Variants in PLOD2 observed in about 807,000 individuals in gnomAD.
The protein encoded by PLOD2 is procollagen-lysine,2-oxoglutarate 5-dioxygenase 2.
PLOD2 carries 65 observed loss-of-function variants against 101.0 expected under a neutral mutation model. The ratio of observed to expected loss-of-function variants is 0.64; its 90% CI spans 0.53 to 0.79. The LOEUF (loss-of-function observed/expected upper bound fraction) is 0.79. Among genes scored for constraint, PLOD2 ranks in the 30% least tolerant of loss-of-function variants. The pLI, the probability that PLOD2 is intolerant of heterozygous loss-of-function variation, is 0.00. For synonymous variants in PLOD2, 314 were observed against 302.9 expected, an observed-to-expected ratio of 1.04 and a Z score of -0.38; for missense variants, 909 against 914.6, an observed-to-expected ratio of 0.99 and a Z score of 0.08.
chr3:146,079,889 A>C (rs1936472412), intron 12 of PLOD2, among the ~76,000 whole-genome samples: 1 of 152,016 alleles, frequency 6.6e-6, no homozygotes, highest in Non-Finnish European at 1.5e-5. Context: ...TAAATATTTT[A>C]TAGAAAAAGG....
chr3:146,129,513 C>T lies in PLOD2; in HGVS notation c.110-5284G>A, dbSNP rs747659227. On this transcript the variant is annotated intron_variant, in intron 1 of 19. Coordinates refer to ENST00000282903, the MANE Select transcript of PLOD2 (RefSeq NM_182943.3). ...GACTTGGTCAGTTACTTAAACTCTG[C>T]GTCTCAACTGTAATATGTCTGTAAT... Among the ~76,000 whole-genome samples the T allele has an allele frequency of 5.3e-5, 8 of 152,216 alleles. No homozygotes were observed. The South Asian group carries it at 1.0e-3, about 20-fold the overall frequency.
At chr3:146,100,170 C>T (rs370320350) in intron 7 of PLOD2, among the ~76,000 whole-genome samples, 19 of 152,224 alleles carry the variant, frequency 1.2e-4, no homozygotes, top group African/African-American at 4.6e-4. Flanking sequence ...TGTGAGCCAC[C>T]ATGCCCAGCC....
intron 13 of PLOD2, among the ~76,000 whole-genome samples, chr3:146,078,450 C>T (rs1576574611): frequency 6.6e-6 from 1 of 151,812 alleles, no homozygotes; most frequent in Non-Finnish European, 1.5e-5. Flanking sequence ...ATAAAATAGC[C>T]CCATCATTTC....
At position 146,069,561 on chromosome 3, in the gene PLOD2, T is replaced by G. The variant is rs1378393959; in HGVS notation, c.*1156A>C. ...TTTACATTAAAAACAGTAGCTACAA[T>G]AAGGATATTTCAACCTTACTTAGAG... On this transcript the variant is annotated 3_prime_UTR_variant, in exon 20 of 20. Transcript: ENST00000282903. 2 of 152,180 alleles carry G rather than the reference T, an allele frequency of 1.3e-5. No homozygotes were observed. Among genetic ancestry groups the G allele is most frequent in the East Asian group, 3.9e-4 (2 of 5,160 alleles). 9.4% of individuals were successfully genotyped at this position (152,180 alleles called of 1,614,324 possible).
intron 1 of PLOD2, among the ~76,000 whole-genome samples, chr3:146,125,437 A>AT (rs566689943): frequency 1.3e-5 from 2 of 152,110 alleles, no homozygotes; most frequent in Non-Finnish European, 1.5e-5. Context: ...ACATTCTTAG[A>AT]TTTTTTTCTA....
At chr3:146,152,556 T>G (rs2032110449) in intron 1 of PLOD2, among the ~76,000 whole-genome samples, 1 of 152,174 alleles carries the variant, frequency 6.6e-6, no homozygotes, top group Admixed American at 6.5e-5. Context: ...CCCATGGATC[T>G]CATGGACTCC....
chr3:146,159,240 G>A (rs1329036693), intron 1 of PLOD2, among the ~76,000 whole-genome samples: 8 of 152,162 alleles, frequency 5.3e-5, no homozygotes, highest in African/African-American at 1.4e-4. Context: ...TCATGTGGTC[G>A]TTTCCTGAGG....
chr3:146,079,727 T>C (rs997059433), intron 12 of PLOD2, among the ~76,000 whole-genome samples: 1 of 151,986 alleles, frequency 6.6e-6, no homozygotes, highest in Admixed American at 6.6e-5. Flanking sequence ...TCAGCCATGG[T>C]AGAAGTATTT....
At chr3:146,151,646 T>C (rs1203478010) in intron 1 of PLOD2, among the ~76,000 whole-genome samples, 1 of 152,180 alleles carries the variant, frequency 6.6e-6, no homozygotes, top group East Asian at 1.9e-4. Context: ...CAGATGTGTG[T>C]GTTCTTCCCT....
chr3:146,124,502 A>C (rs929241618), intron 1 of PLOD2, among the ~76,000 whole-genome samples: 1 of 152,180 alleles, frequency 6.6e-6, no homozygotes, highest in Non-Finnish European at 1.5e-5. Context: ...GTATTTCAAT[A>C]TTGAGAAAAA....
At chr3:146,092,512 G>A (rs1937009494) in intron 7 of PLOD2, among the ~76,000 whole-genome samples, 1 of 152,034 alleles carries the variant, frequency 6.6e-6, no homozygotes, top group African/African-American at 2.4e-5. Flanking sequence ...CAGATCTAGG[G>A]CAACCACTAA....
intron 3 of PLOD2, among the ~76,000 whole-genome samples, chr3:146,112,681 T>C (rs1052004992): frequency 6.6e-6 from 1 of 151,550 alleles, no homozygotes; most frequent in African/African-American, 2.4e-5. Flanking sequence ...TGAAAACCCA[T>C]CTCTACTAAA....
chr3:146,145,507 T>TG (rs1309890941), intron 1 of PLOD2, among the ~76,000 whole-genome samples: 6 of 152,166 alleles, frequency 3.9e-5, no homozygotes, highest in African/African-American at 1.4e-4. Context: ...GAATGCAAGA[T>TG]ACTCCTCTGT....
intron 7 of PLOD2, among the ~76,000 whole-genome samples, chr3:146,094,374 GATTAGCTC>G (rs1937076354): frequency 7.0e-6 from 1 of 141,898 alleles, no homozygotes; most frequent in South Asian, 2.3e-4. Flanking sequence ...TAGATCAGGT[GATTAGCTC>G]TTCCCCTGTT....
chr3:146,109,613 T>C (rs1937592753), intron 4 of PLOD2, among the ~76,000 whole-genome samples: 1 of 152,260 alleles, frequency 6.6e-6, no homozygotes, highest in South Asian at 2.1e-4. Context: ...TATTTGGTTA[T>C]GTCTTTTGTC....
chr3:146,117,495 G>C (rs1031195396), intron 3 of PLOD2, among the ~76,000 whole-genome samples: 2 of 151,832 alleles, frequency 1.3e-5, no homozygotes, highest in African/African-American at 4.8e-5. Context: ...AAATAAGAAG[G>C]GTAAAAAAAA....
chr3:146,115,264 T>C (rs996930831), intron 3 of PLOD2, among the ~76,000 whole-genome samples: 2 of 152,018 alleles, frequency 1.3e-5, no homozygotes, highest in Admixed American at 1.3e-4. Context: ...GTGAAGAAAA[T>C]AAAATTTTCC....
Position 146,081,721 on chromosome 3 carries a change from T to A in PLOD2, c.1358+17A>T. On this transcript the variant is annotated intron_variant, in intron 12 of 19. Coordinates refer to ENST00000282903, the MANE Select transcript of PLOD2 (RefSeq NM_182943.3). ...ATTATGGTATTTCACATTAAAATAT[T>A]AAACCAAGTAACTTACACTCTATTC... The A allele has an allele frequency of 6.3e-7, 1 of 1,592,456 alleles. No individual in the cohort carries two copies. The highest frequency in any genetic ancestry group is 8.6e-7 in the Non-Finnish European group (1 of 1,161,128).
intron 3 of PLOD2, among the ~76,000 whole-genome samples, chr3:146,120,442 TCCTTACA>T (rs571805762): frequency 0.015 from 2,229 of 152,230 alleles, 23 homozygotes; most frequent in Middle Eastern, 0.061. Flanking sequence ...CTTGATCCCT[TCCTTACA>T]CCTTACACAA....
Sources: gnomAD v4.1 joint callset for allele counts (sites outside exome capture counted in the v4.1 genomes callset) on GRCh38, gnomAD v4.1.1 for gene constraint, MANE v1.5 for transcripts, NCBI Gene and HGNC (gene_info 2026-07-23, HGNC 2026-07-21) for gene names.